Variants in SLC13A3 observed in about 807,000 individuals in gnomAD.
SLC13A3 encodes the protein Na(+)/dicarboxylate cotransporter 3.
SLC13A3 carries 40 observed loss-of-function variants against 59.0 expected under a neutral mutation model. That is an observed-to-expected ratio of 0.68 (90% confidence interval 0.53 to 0.88). The LOEUF is 0.88. Among genes scored for constraint, SLC13A3 ranks in the 40% least tolerant of loss-of-function variants. The pLI is 0.00. For synonymous variants in SLC13A3, 317 were observed against 330.3 expected (o/e 0.96, Z 0.44); for missense variants, 699 against 783.2 (o/e 0.89, Z 1.28).
chr20:46,617,440 A>T (rs964582444), intron 1 of SLC13A3, among the ~76,000 whole-genome samples: 1 of 151,672 alleles, frequency 6.6e-6, no homozygotes, highest in African/African-American at 2.4e-5. Flanking sequence ...CCTGGGCAAC[A>T]CAGTGAAACC....
chr20:46,654,197 A>C (rs1600620213), upstream of SLC13A3, among the ~76,000 whole-genome samples: 1 of 152,284 alleles, frequency 6.6e-6, no homozygotes, highest in East Asian at 1.9e-4. Flanking sequence ...TCTAATGATT[A>C]TTGATGTTGA....
intron 1 of SLC13A3, among the ~76,000 whole-genome samples, chr20:46,622,319 C>T (rs2062623604): frequency 6.6e-6 from 1 of 152,126 alleles, no homozygotes; most frequent in South Asian, 2.1e-4. Context: ...CAAATAACTA[C>T]AATGGGATCA....
At chr20:46,566,454 G>T (rs763151829) in intron 10 of SLC13A3, 64 bp from the exon 11 acceptor site, 1 of 1,544,918 alleles carries the variant, frequency 6.5e-7, no homozygotes, top group Non-Finnish European at 8.8e-7. Flanking sequence ...CCCAGAGAGG[G>T]TTAGGATAGA....
At chr20:46,679,313 T>C (rs1418497626) in intron 1 of SLC13A3, among the ~76,000 whole-genome samples, 1 of 152,094 alleles carries the variant, frequency 6.6e-6, no homozygotes, top group Non-Finnish European at 1.5e-5. Context: ...TCCCAGCACT[T>C]TGGGAGGCCG....
intron 3 of SLC13A3, among the ~76,000 whole-genome samples, chr20:46,604,303 C>A (rs113715239): frequency 1.3e-5 from 2 of 152,232 alleles, no homozygotes; most frequent in Admixed American, 6.5e-5. Flanking sequence ...TTTAACACCC[C>A]CTTCCTGAAA....
In SLC13A3 at chr20:46,608,693, G is replaced by C. The variant is rs2062461204; in HGVS notation, c.541+1753C>G. The C allele has an allele frequency of 4.8e-6, 3 of 627,436 alleles. No individual in the cohort carries two copies. The South Asian group carries it at 9.2e-5, about 19-fold the overall frequency. The allele number at this position is 627,436 out of a possible 1,614,324, so 38.9% of individuals were successfully genotyped here. A position where few individuals can be genotyped will look rare whatever the true frequency, so the allele number is the denominator to read the frequency against. On this transcript the variant is annotated intron_variant, in intron 3 of 12. Coordinates refer to ENST00000279027, the MANE Select transcript of SLC13A3 (RefSeq NM_022829.6). ...GACTGTCAGTGAGATTAACTTAGAT[G>C]GTACACGGATCAACATTTAAGTTTT... is the stretch of plus-strand genomic sequence containing the variant.
At chr20:46,628,827 C>T (rs190038437) in intron 1 of SLC13A3, among the ~76,000 whole-genome samples, 3 of 152,372 alleles carry the variant, frequency 2.0e-5, no homozygotes, top group East Asian at 1.9e-4. Flanking sequence ...AGATATGGAA[C>T]ATCTCCATCA....
At chr20:46,586,231 A>C (rs1198501915) in intron 8 of SLC13A3, among the ~76,000 whole-genome samples, 1 of 152,172 alleles carries the variant, frequency 6.6e-6, no homozygotes, top group Admixed American at 6.5e-5. Flanking sequence ...AATCCAGCAG[A>C]TACATCTCTA....
intron 8 of SLC13A3, 103 bp from the exon 9 acceptor site, chr20:46,583,772 G>C: frequency 6.6e-7 from 1 of 1,523,300 alleles, no homozygotes; most frequent in Middle Eastern, 1.7e-4. Flanking sequence ...TAGGCCTGCT[G>C]TGAAGGGGCC....
Position 46,651,325 on chromosome 20 carries a change from C to A in SLC13A3, c.97G>T (p.Ala33Ser). ...TPLALLPVVF[A>S]LPPKEGRCLF... ...GGAGGCGTTACCTTGGGCGGGAGGGCGAAGACCACCGGCAGCAGCGCGAGC... is the reference window on the plus strand; with the variant it reads ...GGAGGCGTTACCTTGGGCGGGAGGGAGAAGACCACCGGCAGCAGCGCGAGC... Residue 33 changes from alanine to serine, a missense_variant, in exon 1 of 13, where the codon GCC becomes TCC. Physicochemically the swap from Ala to Ser is moderately conservative, Grantham distance 99 (BLOSUM62 1). Transcript: ENST00000279027. 6.6e-7 allele frequency: 1 copy of A among 1,511,984 alleles called. No individual in the cohort carries two copies. The highest frequency in any genetic ancestry group is 1.3e-5 in the South Asian group (1 of 79,622). The allele number at this position is 1,511,984 out of a possible 1,614,324, so 93.7% of individuals were successfully genotyped here.
At chr20:46,566,670 C>T (rs144489297) in intron 10 of SLC13A3, among the ~76,000 whole-genome samples, 1 of 152,208 alleles carries the variant, frequency 6.6e-6, no homozygotes, top group East Asian at 1.9e-4. Context: ...GGTTCTAGCA[C>T]CCCTAAGCAC....
At position 46,563,428 on chromosome 20, in the gene SLC13A3, G is replaced by A; in HGVS notation, c.1618C>T (p.Leu540=). The A allele has an allele frequency of 6.2e-7, 1 of 1,613,916 alleles. No homozygotes were observed. Among genetic ancestry groups the A allele is most frequent in the Non-Finnish European group, 8.5e-7 (1 of 1,179,910 alleles). The change falls in exon 12 of 13, where the codon CTG becomes TTG. Residue 540 remains leucine (L), a synonymous_variant. Coordinates refer to ENST00000279027, the MANE Select transcript of SLC13A3 (RefSeq NM_022829.6). ...CCCAGACTCACCATGTCTTTGACCA[G>A]CAAGTGTCCAGAGGCGAAGGCGATG... The part of the protein sequence containing the change: ...NSIAFASGHL[L]VKDMVRTGLL...
chr20:46,575,801 G>C, intron 9 of SLC13A3, 116 bp from the exon 10 acceptor site: 2 of 531,356 alleles, frequency 3.8e-6, no homozygotes, highest in Non-Finnish European at 6.7e-6. Flanking sequence ...AAGCCAAAGT[G>C]TGGATCCAGC....
At chr20:46,642,548 G>A in intron 1 of SLC13A3, among the ~76,000 whole-genome samples, 1 of 152,164 alleles carries the variant, frequency 6.6e-6, no homozygotes, top group East Asian at 1.9e-4. Context: ...CTAGAGTTGG[G>A]AAGATGACTC....
In SLC13A3 at chr20:46,677,322, G is replaced by T. The variant is rs142845791; in HGVS notation, c.-31+7074C>A. Among the ~76,000 whole-genome samples the T allele has an allele frequency of 7.5e-3, 1,136 of 152,266 alleles. 15 individuals carry two copies. Among genetic ancestry groups the T allele is most frequent in the African/African-American group, 0.026 (1,064 of 41,534 alleles). Reference sequence around the variant, plus strand: ...AATCCACCCACATAACCAGCATCAAGCTCAAGAAATAGAACTTGTCCATCC... The same window carrying T: ...AATCCACCCACATAACCAGCATCAATCTCAAGAAATAGAACTTGTCCATCC... On this transcript the variant is annotated intron_variant, in intron 1 of 6. Transcript: ENST00000372121.
intron 1 of SLC13A3, among the ~76,000 whole-genome samples, chr20:46,665,788 C>G (rs2063060073): frequency 6.6e-6 from 1 of 152,164 alleles, no homozygotes; most frequent in Admixed American, 6.5e-5. Context: ...TATGGTAACT[C>G]TATGTCTAAC....
chr20:46,563,790 C>T (rs2061955633), intron 11 of SLC13A3, among the ~76,000 whole-genome samples: 1 of 152,138 alleles, frequency 6.6e-6, no homozygotes, highest in South Asian at 2.1e-4. Flanking sequence ...CAGGCAGAAA[C>T]AGAGACAAGC....
intron 3 of SLC13A3, chr20:46,609,005 G>A: frequency 1.3e-6 from 2 of 1,550,600 alleles, no homozygotes; most frequent in Non-Finnish European, 1.7e-6. Flanking sequence ...TTATCACAAG[G>A]GGAGCTTGAA....
chr20:46,633,736 G>C (rs1216307644), intron 1 of SLC13A3, among the ~76,000 whole-genome samples: 5 of 152,210 alleles, frequency 3.3e-5, no homozygotes, highest in Non-Finnish European at 5.9e-5. Context: ...GGGTGGCTTG[G>C]TTTATTGTAG....
Sources: gnomAD v4.1 joint callset for allele counts (sites outside exome capture counted in the v4.1 genomes callset) on GRCh38, gnomAD v4.1.1 for gene constraint, MANE v1.5 for transcripts, NCBI Gene and HGNC (gene_info 2026-07-23, HGNC 2026-07-21) for gene names.